EEFSEC: variants seen among roughly 807,000 people sequenced by gnomAD.
The protein encoded by EEFSEC is selenocysteine-specific elongation factor.
Under a neutral mutation model 42.1 loss-of-function variants are expected in EEFSEC, and 43 were observed. The ratio of observed to expected loss-of-function variants is 1.02; its 90% CI spans 0.80 to 1.32. The LOEUF (loss-of-function observed/expected upper bound fraction) is 1.32, where lower values mean the gene tolerates loss of function less well. EEFSEC is among the 40% of genes most tolerant of loss of function. The pLI, the probability that EEFSEC is intolerant of heterozygous loss-of-function variation, is 0.00. For missense variants in EEFSEC, 745 were observed against 803.6 expected, an observed-to-expected ratio of 0.93 and a Z score of 0.88; for synonymous variants, 354 against 339.1, an observed-to-expected ratio of 1.04 and a Z score of -0.48.
At chr3:128,375,931 C>A (rs1302542867) in intron 6 of EEFSEC, among the ~76,000 whole-genome samples, 1 of 152,208 alleles carries the variant, frequency 6.6e-6, no homozygotes, top group African/African-American at 2.4e-5. Flanking sequence ...TTTATTTAAG[C>A]TAGATGGGGC....
intron 1 of EEFSEC, among the ~76,000 whole-genome samples, chr3:128,245,707 G>A (rs2066119838): frequency 1.3e-5 from 2 of 152,198 alleles, no homozygotes; most frequent in Non-Finnish European, 2.9e-5. Context: ...CTAGTTGGCT[G>A]TGTGATCTAG....
rs369465462 is a variant in EEFSEC at position 128,153,599 on chromosome 3, C to T, written c.92C>T (p.Ala31Val). 6.3e-7 allele frequency: 1 copy of T among 1,589,990 alleles called. No homozygotes were observed. Among genetic ancestry groups the T allele is most frequent in the Non-Finnish European group, 8.5e-7 (1 of 1,174,390 alleles). ...TALARALSTT[A>V]STAAFDKQPQ... The stretch of plus-strand genomic sequence containing the variant: ...CTGGCGCGGGCGCTAAGCACCACAG[C>T]CTCCACCGCCGCCTTTGACAAGCAG... Residue 31 changes from alanine to valine, a missense_variant, in exon 1 of 7, where the codon GCC becomes GTC. By Grantham distance (64) the Ala-to-Val change is moderately conservative. Transcript: ENST00000254730.
chr3:128,341,526 G>A lies in EEFSEC; in HGVS notation c.1080G>A (p.Gln360=). Residue 360 remains glutamine (Q), a synonymous_variant, in exon 5 of 7, where the codon CAG becomes CAA. Transcript: ENST00000254730. ...GTCCTGCTCCAGATAACTTTGACCA[G>A]GAGCCTATACTGGACTCTTTCAACT... is the stretch of plus-strand genomic sequence containing the variant. The part of the protein sequence containing the change: ...FFSPAPDNFD[Q]EPILDSFNFS... The A allele has an allele frequency of 6.2e-7, 1 of 1,614,108 alleles. No individual in the cohort carries two copies.
intron 6 of EEFSEC, among the ~76,000 whole-genome samples, chr3:128,390,123 G>C (rs1045632475): frequency 2.6e-5 from 4 of 152,202 alleles, no homozygotes; most frequent in African/African-American, 9.7e-5. Flanking sequence ...TTTGCCTCAT[G>C]AACAGTCCCA....
At position 128,408,144 on chromosome 3, in the gene EEFSEC, C is replaced by T; in HGVS notation, c.1676C>T (p.Ala559Val). 1 of 1,612,006 alleles carries T rather than the reference C, an allele frequency of 6.2e-7. No individual in the cohort carries two copies. Among genetic ancestry groups the T allele is most frequent in the African/African-American group, 1.3e-5 (1 of 74,946 alleles). ...CGGGCCCGGGCTGGCCGTGGGGAGG[C>T]CACCAGGCAGGAGGAGAGCGCCGAG... ...KKRARAGRGE[A>V]TRQEESAERS... The change falls in exon 7 of 7, where the codon GCC becomes GTC. Residue 559 changes from alanine (A) to valine (V), a missense_variant. Transcript: ENST00000254730.
chr3:128,219,166 C>G (rs2065839415), intron 1 of EEFSEC, among the ~76,000 whole-genome samples: 1 of 152,214 alleles, frequency 6.6e-6, no homozygotes, highest in Non-Finnish European at 1.5e-5. Context: ...GGTACCATTT[C>G]CCCAGTGCTA....
chr3:128,419,073 G>A, the EEFSEC span, among the ~76,000 whole-genome samples: 1 of 152,380 alleles, frequency 6.6e-6, no homozygotes, highest in Admixed American at 6.5e-5. Context: ...AAGTGTTGGT[G>A]AAGAGTGAGG....
intron 1 of EEFSEC, among the ~76,000 whole-genome samples, chr3:128,219,810 A>G (rs1374461802): frequency 6.6e-6 from 1 of 151,994 alleles, no homozygotes; most frequent in East Asian, 1.9e-4. Flanking sequence ...GGCTAAATGA[A>G]TATCGAAAGA....
At chr3:128,260,543 T>C (rs1310558106) in intron 2 of EEFSEC, among the ~76,000 whole-genome samples, 1 of 152,172 alleles carries the variant, frequency 6.6e-6, no homozygotes, top group Non-Finnish European at 1.5e-5. Flanking sequence ...CAAATAAATA[T>C]AGCATTGTGA....
rs2067295297 is a variant in EEFSEC at position 128,344,973 on chromosome 3, T to C, written c.1443+3084T>C. Among the ~76,000 whole-genome samples, 4 of 152,226 alleles carry C rather than the reference T, an allele frequency of 2.6e-5. 1 individual carries two copies. In the South Asian group the frequency reaches 8.3e-4, roughly 32 times the overall value. On this transcript the variant is annotated intron_variant, in intron 5 of 6. Transcript: ENST00000254730. ...AAGGGGCAGCCCTGTTTGCTTTGAGTAGGCCCCAGATCACCCAGAGATTTT... is the reference window on the plus strand; with the variant it reads ...AAGGGGCAGCCCTGTTTGCTTTGAGCAGGCCCCAGATCACCCAGAGATTTT...
At chr3:128,362,228 G>A (rs1477766713) in intron 6 of EEFSEC, 2 of 526,504 alleles carry the variant, frequency 3.8e-6, no homozygotes, top group Admixed American at 3.9e-5. Context: ...CTCACTCACA[G>A]AGGCAGGCTG....
At chr3:128,234,790 G>A (rs1168078354) in intron 1 of EEFSEC, among the ~76,000 whole-genome samples, 1 of 152,210 alleles carries the variant, frequency 6.6e-6, no homozygotes, top group Non-Finnish European at 1.5e-5. Context: ...CAGATATGGT[G>A]TTAAGGGACG....
intron 6 of EEFSEC, among the ~76,000 whole-genome samples, chr3:128,371,233 T>C (rs1377716036): frequency 6.6e-6 from 1 of 152,062 alleles, no homozygotes; most frequent in Non-Finnish European, 1.5e-5. Flanking sequence ...GGCTCATCCT[T>C]GGATGGATGG....
chr3:128,306,209 A>G (rs1431560726), intron 4 of EEFSEC, among the ~76,000 whole-genome samples: 2 of 152,196 alleles, frequency 1.3e-5, no homozygotes, highest in Non-Finnish European at 2.9e-5. Context: ...AACGGCTTTT[A>G]AAAAGAAGAG....
At chr3:128,366,544 G>A (rs1407470444) in intron 6 of EEFSEC, among the ~76,000 whole-genome samples, 2 of 152,232 alleles carry the variant, frequency 1.3e-5, no homozygotes, top group African/African-American at 4.8e-5. Flanking sequence ...AGGAGGAGGA[G>A]GAGCAGGAGC....
chr3:128,191,427 A>G (rs184258579), intron 1 of EEFSEC, among the ~76,000 whole-genome samples: 2 of 152,178 alleles, frequency 1.3e-5, no homozygotes, highest in African/African-American at 4.8e-5. Flanking sequence ...CTTAGACTTC[A>G]GCTCACTGTG....
intron 1 of EEFSEC, among the ~76,000 whole-genome samples, chr3:128,235,839 C>T (rs527366597): frequency 1.4e-5 from 2 of 143,724 alleles, no homozygotes; most frequent in South Asian, 2.4e-4. Flanking sequence ...ACTGCTAGTC[C>T]CCAGGGGTGT....
At chr3:128,220,300 T>C (rs2065849408) in intron 1 of EEFSEC, among the ~76,000 whole-genome samples, 1 of 152,172 alleles carries the variant, frequency 6.6e-6, no homozygotes, top group Non-Finnish European at 1.5e-5. Flanking sequence ...TCTCTAGAGG[T>C]GGAACCAGGA....
intron 2 of EEFSEC, among the ~76,000 whole-genome samples, chr3:128,250,802 T>C (rs191231409): frequency 1.0e-3 from 152 of 152,288 alleles, no homozygotes; most frequent in African/African-American, 3.3e-3. Context: ...AGGTATTGCA[T>C]TGAATCTGTA....
Sources: allele counts gnomAD v4.1 joint callset (sites outside exome capture counted in the v4.1 genomes callset), GRCh38; gene constraint gnomAD v4.1.1; transcripts MANE v1.5; gene names NCBI Gene and HGNC (gene_info 2026-07-23, HGNC 2026-07-21).